ULK4: variants seen among roughly 807,000 people sequenced by gnomAD.
The protein encoded by ULK4 is inactive serine/threonine-protein kinase ULK4.
Under a neutral mutation model 160.6 loss-of-function variants are expected in ULK4, and 133 were observed. The ratio of observed to expected loss-of-function variants is 0.83; its 90% CI spans 0.72 to 0.96. The LOEUF is 0.96. Among genes scored for constraint, ULK4 ranks in the 40% least tolerant of loss-of-function variants. ULK4 has a pLI of 0.00. For missense variants in ULK4, 1,580 were observed against 1,499.5 expected, an observed-to-expected ratio of 1.05 and a Z score of -0.89; for synonymous variants, 534 against 539.8, an observed-to-expected ratio of 0.99 and a Z score of 0.15.
chr3:41,335,924 G>T (rs2080545388), intron 35 of ULK4, among the ~76,000 whole-genome samples: 1 of 152,160 alleles, frequency 6.6e-6, no homozygotes, highest in Non-Finnish European at 1.5e-5. Flanking sequence ...GTTAACCTGT[G>T]AAAAACAGGT....
intron 29 of ULK4, among the ~76,000 whole-genome samples, chr3:41,668,469 A>G (rs1311009960): frequency 6.6e-6 from 1 of 152,224 alleles, no homozygotes; most frequent in Non-Finnish European, 1.5e-5. Context: ...TGCCTGCAGT[A>G]TTCAGTGCAG....
At chr3:41,784,881 A>T (rs1296552074) in intron 21 of ULK4, among the ~76,000 whole-genome samples, 1 of 152,264 alleles carries the variant, frequency 6.6e-6, no homozygotes, top group Non-Finnish European at 1.5e-5. Flanking sequence ...TTTCAAATGG[A>T]GAATCAGAGA....
chr3:41,892,833 C>A (rs2148782631), intron 16 of ULK4, among the ~76,000 whole-genome samples: 1 of 152,352 alleles, frequency 6.6e-6, no homozygotes, highest in Middle Eastern at 3.4e-3. Flanking sequence ...TGACCAATTC[C>A]TCTTCCTCAC....
intron 35 of ULK4, among the ~76,000 whole-genome samples, chr3:41,361,175 G>T (rs1045632399): frequency 1.3e-5 from 2 of 152,142 alleles, no homozygotes; most frequent in Non-Finnish European, 2.9e-5. Context: ...TGTGGCACAG[G>T]TGCAGGCAGT....
intron 4 of ULK4, among the ~76,000 whole-genome samples, chr3:41,935,201 A>ATTTTT (rs1559660854): frequency 3.9e-4 from 1 of 2,540 alleles, no homozygotes; most frequent in African/African-American, 4.6e-4. Context: ...GTTTTTATTT[A>ATTTTT]TTTATTTATT....
At chr3:41,873,632 C>G (rs1354115447) in intron 17 of ULK4, among the ~76,000 whole-genome samples, 1 of 152,204 alleles carries the variant, frequency 6.6e-6, no homozygotes, top group African/African-American at 2.4e-5. Flanking sequence ...CAGCTCACTG[C>G]AACCTCTGCC....
At chr3:41,720,723 C>A (rs1364276487) in intron 22 of ULK4, among the ~76,000 whole-genome samples, 1 of 152,082 alleles carries the variant, frequency 6.6e-6, no homozygotes, top group African/African-American at 2.4e-5. Context: ...GGCCAACACT[C>A]AGAAAATTTG....
rs1174950928 is a variant in ULK4 at position 41,912,904 on chromosome 3, A to G, written c.804-5T>C. The stretch of plus-strand genomic sequence containing the variant: ...AGTAGCCTTGTCCAAGTCAATCTTT[A>G]AAAAACATAAATGTTAAAACTCTAC... On this transcript the variant is annotated splice_polypyrimidine_tract_variant and splice_region_variant and intron_variant, in intron 8 of 36. Coordinates refer to ENST00000301831, the MANE Select transcript of ULK4 (RefSeq NM_017886.4). 3 of 1,613,634 alleles carry G rather than the reference A, an allele frequency of 1.9e-6. No homozygotes were observed. The South Asian group carries it at 3.3e-5, about 18-fold the overall frequency.
intron 31 of ULK4, among the ~76,000 whole-genome samples, chr3:41,567,885 G>A (rs578061168): frequency 6.6e-6 from 1 of 152,278 alleles, no homozygotes; most frequent in South Asian, 2.1e-4. Context: ...AGATAGTACA[G>A]AGAGTTTCCA....
At chr3:41,600,870 C>G (rs1205001465) in intron 31 of ULK4, among the ~76,000 whole-genome samples, 1 of 152,174 alleles carries the variant, frequency 6.6e-6, no homozygotes, top group African/African-American at 2.4e-5. Context: ...TTAACACTTC[C>G]CACTTGCTTC....
At chr3:41,488,742 T>A (rs148715125) in intron 32 of ULK4, among the ~76,000 whole-genome samples, 1 of 152,294 alleles carries the variant, frequency 6.6e-6, no homozygotes, top group East Asian at 1.9e-4. Context: ...TTGTTCCACT[T>A]TGAAGAAAGT....
At chr3:41,557,877 T>A (rs899078931) in intron 32 of ULK4, among the ~76,000 whole-genome samples, 23 of 152,022 alleles carry the variant, frequency 1.5e-4, no homozygotes, top group African/African-American at 5.3e-4. Flanking sequence ...TAGGAAGACA[T>A]AAACTTAACA....
At chr3:41,666,085 G>A (rs976048246) in intron 29 of ULK4, among the ~76,000 whole-genome samples, 1 of 152,168 alleles carries the variant, frequency 6.6e-6, no homozygotes, top group Non-Finnish European at 1.5e-5. Context: ...GCAATGTGTG[G>A]CAACACTGGT....
At chr3:41,733,667 C>T (rs893123529) in intron 22 of ULK4, among the ~76,000 whole-genome samples, 1 of 150,260 alleles carries the variant, frequency 6.7e-6, no homozygotes, top group African/African-American at 2.5e-5. Context: ...TTAGACATTC[C>T]ATTGAAAAAT....
intron 34 of ULK4, among the ~76,000 whole-genome samples, chr3:41,400,133 G>T (rs2082148919): frequency 6.6e-6 from 1 of 152,014 alleles, no homozygotes; most frequent in African/African-American, 2.4e-5. Context: ...TTCCCCAATG[G>T]AAGCATCTTG....
intron 35 of ULK4, among the ~76,000 whole-genome samples, chr3:41,276,573 C>G (rs765374471): frequency 6.6e-6 from 1 of 152,208 alleles, no homozygotes; most frequent in Non-Finnish European, 1.5e-5. Flanking sequence ...TGTCTTCAGT[C>G]TTTTTTAGTA....
chr3:41,258,273 G>C lies in ULK4; in HGVS notation c.3679-8699C>G, dbSNP rs74705515. On this transcript the variant is annotated intron_variant, in intron 35 of 36. Transcript: ENST00000301831. ...ACCTACTCCTCTTTTGAGCTACTTA[G>C]GCAGAGAATGTTTTGTGCAAACTGA... The C allele has an allele frequency of 2.4e-3, 361 of 152,236 alleles. 2 individuals are homozygous for C. The highest frequency in any genetic ancestry group is 8.2e-3 in the African/African-American group (339 of 41,524). 9.4% of individuals were successfully genotyped at this position (152,236 alleles called of 1,614,324 possible). A position where few individuals can be genotyped will look rare whatever the true frequency, so the allele number is the denominator to read the frequency against.
At chr3:41,813,462 G>A (rs1277547835) in intron 19 of ULK4, among the ~76,000 whole-genome samples, 19 of 151,806 alleles carry the variant, frequency 1.3e-4, no homozygotes, top group Admixed American at 1.2e-3. Context: ...TTTTTAATTA[G>A]GGCTCTTTGT....
chr3:41,615,785 T>C (rs1210200449), intron 30 of ULK4, 68 bp from the exon 31 acceptor site: 19 of 1,413,274 alleles, frequency 1.3e-5, no homozygotes, highest in Middle Eastern at 1.8e-4. Flanking sequence ...TGGCCTGATA[T>C]AAAGCACCTC....
Sources: allele counts gnomAD v4.1 joint callset (sites outside exome capture counted in the v4.1 genomes callset), GRCh38; gene constraint gnomAD v4.1.1; transcripts MANE v1.5; gene names NCBI Gene and HGNC (gene_info 2026-07-23, HGNC 2026-07-21).